ASTN2: variants seen among roughly 807,000 people sequenced by gnomAD.
ASTN2 encodes astrotactin-2.
A neutral mutation model predicts 139.8 loss-of-function variants in ASTN2; 54 were observed. The ratio of observed to expected loss-of-function variants is 0.39; its 90% CI spans 0.31 to 0.48. The LOEUF (loss-of-function observed/expected upper bound fraction) is 0.48, where lower values mean the gene tolerates loss of function less well. Ranked by LOEUF, ASTN2 falls within the 20% of genes least tolerant of loss-of-function variation. ASTN2 has a pLI of 0.95. For synonymous variants in ASTN2, 756 were observed against 719.5 expected (o/e 1.05, Z -0.81); for missense variants, 1,565 against 1,725.1 (o/e 0.91, Z 1.64).
At chr9:117,045,827 T>C (rs7038712) in intron 5 of ASTN2, among the ~76,000 whole-genome samples, 7,743 of 152,002 alleles carry the variant, frequency 0.051, 365 homozygotes, top group Admixed American at 0.11. Context: ...GGCTGAGAAG[T>C]AATTTATTTC....
At chr9:116,528,976 C>T (rs140093624) in intron 19 of ASTN2, among the ~76,000 whole-genome samples, 3,889 of 152,272 alleles carry the variant, frequency 0.026, 143 homozygotes, top group African/African-American at 0.081. Flanking sequence ...GGGAAGAGCC[C>T]TCATGGAGAA....
intron 1 of ASTN2, among the ~76,000 whole-genome samples, chr9:117,324,438 C>A (rs1554719703): frequency 1.3e-5 from 2 of 152,132 alleles, no homozygotes; most frequent in African/African-American, 2.4e-5. Context: ...ACCTTCTTCA[C>A]AAGGCAGCAG....
chr9:116,750,624 G>C (rs1829373336), intron 13 of ASTN2, among the ~76,000 whole-genome samples: 2 of 152,152 alleles, frequency 1.3e-5, no homozygotes, highest in Admixed American at 6.5e-5. Context: ...CCCAAAGGCA[G>C]TAGAAAGACA....
chr9:117,224,705 C>T (rs1036194770), intron 2 of ASTN2, among the ~76,000 whole-genome samples: 1 of 152,182 alleles, frequency 6.6e-6, no homozygotes, highest in Non-Finnish European at 1.5e-5. Flanking sequence ...AACAGTTAAC[C>T]ACGCTGTATC....
intron 13 of ASTN2, among the ~76,000 whole-genome samples, chr9:116,776,090 T>A (rs920008621): frequency 6.6e-6 from 1 of 152,164 alleles, no homozygotes; most frequent in Non-Finnish European, 1.5e-5. Flanking sequence ...AATCCTTGCA[T>A]GGCTTGCATC....
chr9:117,125,167 C>G (rs1829656323), intron 4 of ASTN2, among the ~76,000 whole-genome samples: 1 of 152,178 alleles, frequency 6.6e-6, no homozygotes, highest in Non-Finnish European at 1.5e-5. Context: ...TTAATAATCT[C>G]TTTGCAAAGC....
intron 1 of ASTN2, among the ~76,000 whole-genome samples, chr9:117,381,015 A>G (rs1436934209): frequency 6.6e-6 from 1 of 152,260 alleles, no homozygotes. Flanking sequence ...ATGTCCATCA[A>G]CAGATGCATG....
chr9:116,949,362 G>A (rs1835493627), intron 10 of ASTN2, among the ~76,000 whole-genome samples: 1 of 152,084 alleles, frequency 6.6e-6, no homozygotes, highest in Admixed American at 6.5e-5. Flanking sequence ...AATCGTACTT[G>A]AACTCTCCAC....
At chr9:117,181,006 C>T in intron 3 of ASTN2, 2 of 1,595,114 alleles carry the variant, frequency 1.3e-6, no homozygotes, top group Non-Finnish European at 1.7e-6. Context: ...ACCTCGCATG[C>T]CTGTTTGGAG....
At chr9:116,710,149 TGA>T (rs1007810952) in intron 16 of ASTN2, among the ~76,000 whole-genome samples, 8 of 152,142 alleles carry the variant, frequency 5.3e-5, no homozygotes, top group African/African-American at 1.9e-4. Context: ...AGATAATATA[TGA>T]GAACCTCCCC....
intron 19 of ASTN2, chr9:116,540,703 T>C (rs1204827479): frequency 1.3e-5 from 2 of 152,212 alleles, no homozygotes; most frequent in African/African-American, 4.8e-5. Flanking sequence ...AGGAGCACAA[T>C]AGAAGAGAAT....
At chr9:117,158,986 C>A (rs1830488745) in intron 3 of ASTN2, among the ~76,000 whole-genome samples, 1 of 151,944 alleles carries the variant, frequency 6.6e-6, no homozygotes, top group Non-Finnish European at 1.5e-5. Context: ...CTCCCTACCT[C>A]ATCCTCTCTC....
At chr9:117,372,625 A>T (rs530669080) in intron 1 of ASTN2, among the ~76,000 whole-genome samples, 79 of 152,336 alleles carry the variant, frequency 5.2e-4, no homozygotes, top group African/African-American at 1.9e-3. Context: ...GATGATAAAT[A>T]CAAAGCATAC....
intron 13 of ASTN2, among the ~76,000 whole-genome samples, chr9:116,790,505 A>C (rs998836008): frequency 2.6e-5 from 4 of 151,566 alleles, no homozygotes. Context: ...CTTTGTTCTC[A>C]TTTGCCTGGA....
intron 7 of ASTN2, among the ~76,000 whole-genome samples, chr9:117,000,508 G>A (rs1169683063): frequency 6.6e-6 from 1 of 151,414 alleles, no homozygotes; most frequent in Non-Finnish European, 1.5e-5. Flanking sequence ...CTTTAATAAA[G>A]CTGTTTCGCA....
At chr9:116,976,621 C>G in intron 8 of ASTN2, 80 bp downstream of exon 8, 1 of 1,252,904 alleles carries the variant, frequency 8.0e-7, no homozygotes, top group Admixed American at 2.0e-5. Flanking sequence ...TGTGGAGATG[C>G]TTGGGGCCTC....
chr9:117,121,899 AACTC>A (rs1362310018), intron 4 of ASTN2, among the ~76,000 whole-genome samples: 1 of 152,144 alleles, frequency 6.6e-6, no homozygotes, highest in Admixed American at 6.5e-5. Flanking sequence ...AACTCCTGAT[AACTC>A]ACTCACCATC....
intron 3 of ASTN2, among the ~76,000 whole-genome samples, chr9:117,159,963 C>T (rs1564455060): frequency 6.6e-6 from 1 of 151,994 alleles, no homozygotes; most frequent in South Asian, 2.1e-4. Context: ...CTTCATGTCT[C>T]ACATCTTCTT....
intron 10 of ASTN2, among the ~76,000 whole-genome samples, chr9:116,945,585 TC>T (rs1743097407): frequency 6.6e-6 from 1 of 152,150 alleles, no homozygotes; most frequent in South Asian, 2.1e-4. Flanking sequence ...CCTTCCTCTT[TC>T]ATTCTCTTTA....
Sources: allele counts gnomAD v4.1 joint callset (sites outside exome capture counted in the v4.1 genomes callset), GRCh38; gene constraint gnomAD v4.1.1; transcripts MANE v1.5; gene names NCBI Gene and HGNC (gene_info 2026-07-23, HGNC 2026-07-21).